SCN1A: variants seen among roughly 807,000 people sequenced by gnomAD.
SCN1A encodes sodium channel protein type 1 subunit alpha.
SCN1A carries 13 observed loss-of-function variants against 193.7 expected under a neutral mutation model. The ratio of observed to expected loss-of-function variants is 0.07; its 90% CI spans 0.04 to 0.11. The LOEUF (loss-of-function observed/expected upper bound fraction) is 0.11. SCN1A is among the 10% of genes least tolerant of loss of function. The probability of loss-of-function intolerance (pLI) is 1.00; values close to 1 mark genes in which losing one functional copy is unlikely to be tolerated. For synonymous variants in SCN1A, 781 were observed against 843.6 expected, an observed-to-expected ratio of 0.93 and a Z score of 1.29; for missense variants, 1,432 against 2,451.1, an observed-to-expected ratio of 0.58 and a Z score of 8.78.
intron 22 of SCN1A, among the ~76,000 whole-genome samples, chr2:166,010,117 T>C (rs1354092328): frequency 6.6e-6 from 1 of 150,860 alleles, no homozygotes; most frequent in East Asian, 1.9e-4. Context: ...AAGTAAAAAT[T>C]AGTAAAATAA....
intron 2 of SCN1A, among the ~76,000 whole-genome samples, chr2:166,093,258 A>G (rs944124571): frequency 6.6e-6 from 1 of 151,674 alleles, no homozygotes; most frequent in Non-Finnish European, 1.5e-5. Context: ...CTGTGTTGAT[A>G]TGTTTCTGGA....
At chr2:166,004,841 C>T (rs1340500308) in intron 23 of SCN1A, among the ~76,000 whole-genome samples, 1 of 151,472 alleles carries the variant, frequency 6.6e-6, no homozygotes. Flanking sequence ...TCAAATAGCA[C>T]TTCTTTCATG....
At chr2:166,070,808 A>G (rs1392836870) in intron 4 of SCN1A, among the ~76,000 whole-genome samples, 6 of 152,240 alleles carry the variant, frequency 3.9e-5, no homozygotes, top group African/African-American at 7.2e-5. Context: ...TTCCAGATGA[A>G]GAATGTCTAC....
At chr2:166,098,448 A>T (rs1402608198) in intron 2 of SCN1A, among the ~76,000 whole-genome samples, 1 of 152,032 alleles carries the variant, frequency 6.6e-6, no homozygotes, top group African/African-American at 2.4e-5. Flanking sequence ...CTGAAACGAA[A>T]CAAGGGTGCT....
chr2:166,005,871 A>G (rs908982307), intron 23 of SCN1A, among the ~76,000 whole-genome samples: 2 of 151,394 alleles, frequency 1.3e-5, no homozygotes, highest in African/African-American at 4.8e-5. Flanking sequence ...GAAAGGAGCT[A>G]TCTTAATGAA....
intron 2 of SCN1A, among the ~76,000 whole-genome samples, chr2:166,080,233 C>A (rs1377633906): frequency 1.3e-5 from 2 of 151,560 alleles, no homozygotes; most frequent in East Asian, 3.9e-4. Context: ...GGGTAGTAAC[C>A]TCATAGAATC....
At chr2:166,104,351 A>C (rs144176353) in intron 2 of SCN1A, 1 of 152,348 alleles carries the variant, frequency 6.6e-6, no homozygotes, top group East Asian at 1.9e-4. Context: ...CTAGTAAGGT[A>C]AGAACAGAAG....
intron 19 of SCN1A, among the ~76,000 whole-genome samples, chr2:166,025,027 T>A (rs148478128): frequency 3.2e-3 from 480 of 152,338 alleles, no homozygotes; most frequent in Admixed American, 5.9e-3. Flanking sequence ...AGAAAATCAT[T>A]TGAGTTTTCC....
chr2:166,017,719 A>G (rs1029937225), intron 19 of SCN1A, among the ~76,000 whole-genome samples: 1 of 152,014 alleles, frequency 6.6e-6, no homozygotes, highest in African/African-American at 2.4e-5. Flanking sequence ...GAATTTTAAC[A>G]ATTTTCGCCA....
At chr2:166,108,776 A>C (rs888364081) in intron 2 of SCN1A, among the ~76,000 whole-genome samples, 1 of 152,178 alleles carries the variant, frequency 6.6e-6, no homozygotes, top group Non-Finnish European at 1.5e-5. Context: ...AGAGACAGCA[A>C]ATAGTGATTG....
intron 2 of SCN1A, among the ~76,000 whole-genome samples, chr2:166,113,153 TATTGA>T (rs1224347711): frequency 6.6e-6 from 1 of 152,140 alleles, no homozygotes; most frequent in Non-Finnish European, 1.5e-5. Context: ...GCCAAGTTAT[TATTGA>T]ATTGAATTGT....
chr2:166,022,886 C>T (rs1314034856), intron 19 of SCN1A, among the ~76,000 whole-genome samples: 1 of 152,096 alleles, frequency 6.6e-6, no homozygotes, highest in East Asian at 1.9e-4. Flanking sequence ...ACAAATTATA[C>T]TCAGGTTTTT....
In SCN1A at chr2:166,047,571, A is replaced by G. The variant is rs574168939; in HGVS notation, c.1170+56T>C. The G allele has an allele frequency of 7.8e-4, 1,231 of 1,585,690 alleles. 16 individuals are homozygous for G. In the South Asian group the frequency reaches 0.013, roughly 16 times the overall value. ...CATCCGGTTTTAATTTCATAACTCA[A>G]TTGGTTTTCTTGTATACTTTTACTT... On this transcript the variant is annotated intron_variant, in intron 11 of 28. Transcript: ENST00000674923.
intron 5 of SCN1A, 151 bp from the exon 6 acceptor site, chr2:166,056,651 T>G: frequency 3.1e-6 from 2 of 649,044 alleles, no homozygotes; most frequent in African/African-American, 3.6e-5. Flanking sequence ...TACATTTCAA[T>G]TTCTTCATGT....
Position 165,991,636 on chromosome 2 carries a change from C to T in SCN1A, c.5639G>A (p.Gly1880Glu), listed in dbSNP as rs201905405. Residue 1880 changes from glycine to glutamate, a missense_variant, in exon 29 of 29, where the codon GGA becomes GAA. Transcript: ENST00000674923. Reference protein sequence around the residue: ...AFTKRVLGESGEMDALRIQME... With the variant: ...AFTKRVLGESEEMDALRIQME... ...CTGTATTCGTAGAGCATCCATCTCT[C>T]CACTCTCTCCTAGAACCCGCTTTGT... 300 of 1,613,784 alleles carry T rather than the reference C, an allele frequency of 1.9e-4. No homozygotes were observed. The highest frequency in any genetic ancestry group is 2.4e-4 in the Non-Finnish European group (287 of 1,179,926).
At chr2:166,024,373 A>G (rs901724923) in intron 19 of SCN1A, among the ~76,000 whole-genome samples, 3 of 152,210 alleles carry the variant, frequency 2.0e-5, no homozygotes, top group African/African-American at 7.2e-5. Flanking sequence ...TTAGCTGTAT[A>G]TGAAATATTC....
chr2:166,100,464 A>G (rs28897183), intron 2 of SCN1A, among the ~76,000 whole-genome samples: 10,815 of 151,848 alleles, frequency 0.071, 498 homozygotes, highest in Middle Eastern at 0.21. Context: ...CAAGGACCTC[A>G]TGTCCAAAAC....
In SCN1A at chr2:166,015,600, T is replaced by C; in HGVS notation, c.3550+7A>G. On this transcript the variant is annotated splice_region_variant and intron_variant, in intron 20 of 28. Transcript: ENST00000674923. The stretch of plus-strand genomic sequence containing the variant: ...TGAAAGATTAACATTAGGATTCTTT[T>C]CTTTACCTTCAGTGAAACAAGCTTC... 1 of 1,612,432 alleles carries C rather than the reference T, an allele frequency of 6.2e-7. No individual in the cohort carries two copies. Among genetic ancestry groups the C allele is most frequent in the African/African-American group, 1.3e-5 (1 of 74,990 alleles).
At chr2:166,009,557 T>G in intron 23 of SCN1A, 162 bp downstream of exon 23, 1 of 519,740 alleles carries the variant, frequency 1.9e-6, no homozygotes, top group South Asian at 2.6e-5. Context: ...CTATTTCTCT[T>G]GCATATCACC....
Sources: allele counts gnomAD v4.1 joint callset (sites outside exome capture counted in the v4.1 genomes callset), GRCh38; gene constraint gnomAD v4.1.1; transcripts MANE v1.5; gene names NCBI Gene and HGNC (gene_info 2026-07-23, HGNC 2026-07-21).